Variants in OOSP1 observed in about 807,000 individuals in gnomAD.
The protein encoded by OOSP1 is oocyte secreted protein 1, also known as putative oocyte-secreted protein 1 homolog.
OOSP1 carries 11 observed loss-of-function variants against 5.7 expected under a neutral mutation model. That is an observed-to-expected ratio of 1.94 (90% CI 1.22 to 3.20). The LOEUF (loss-of-function observed/expected upper bound fraction) is 3.20, where lower values mean the gene tolerates loss of function less well. Ranked by LOEUF, OOSP1 falls within the 30% of genes most tolerant of loss-of-function variation. OOSP1 has a pLI of 0.00. For synonymous variants in OOSP1, 44 were observed against 20.0 expected (o/e 2.20, Z -3.20); for missense variants, 83 against 54.1 (o/e 1.53, Z -1.67).
Position 59,950,639 on chromosome 11 carries a change from G to A in OOSP1, c.486+2777G>A, listed in dbSNP as rs542718827. Among the ~76,000 whole-genome samples, 28 of 152,210 alleles carry A rather than the reference G, an allele frequency of 1.8e-4. No homozygotes were observed. The South Asian group carries it at 4.8e-3, about 26-fold the overall frequency. ...AAGTTAAGTGGGATGAGAACTAAGC[G>A]TTGTCCATTAGATCCAGCAATGTGA... On this transcript the variant is annotated intron_variant, in intron 4 of 4. Coordinates refer to ENST00000646685, the Ensembl canonical transcript of OOSP1.
At chr11:59,954,009 A>C (rs1853965970) in intron 4 of OOSP1, among the ~76,000 whole-genome samples, 1 of 152,196 alleles carries the variant, frequency 6.6e-6, no homozygotes, top group South Asian at 2.1e-4. Flanking sequence ...GGCATAGCCC[A>C]TTTTACACCT....
intron 4 of OOSP1, among the ~76,000 whole-genome samples, chr11:59,954,353 A>G (rs935624889): frequency 2.0e-5 from 3 of 151,772 alleles, no homozygotes; most frequent in African/African-American, 7.3e-5. Flanking sequence ...ACAAATAAGC[A>G]TGGCCACATG....
intron 4 of OOSP1, among the ~76,000 whole-genome samples, chr11:59,950,868 T>G (rs1853933189): frequency 6.6e-6 from 1 of 151,912 alleles, no homozygotes; most frequent in South Asian, 2.1e-4. Context: ...GTGTATAAGA[T>G]AAGTACCTGC....
At chr11:59,942,052 C>A (rs115407366) in intron 1 of OOSP1, among the ~76,000 whole-genome samples, 2 of 152,110 alleles carry the variant, frequency 1.3e-5, no homozygotes, top group Non-Finnish European at 2.9e-5. Context: ...TTGGTTTCTC[C>A]GCTGAGTTTT....
intron 1 of OOSP1, among the ~76,000 whole-genome samples, chr11:59,939,601 T>C (rs997157406): frequency 1.1e-4 from 17 of 151,058 alleles, no homozygotes; most frequent in Non-Finnish European, 2.5e-4. Flanking sequence ...TTCTTTTTTT[T>C]CTTCCCTTTC....
chr11:59,951,827 T>A (rs1377252782), intron 4 of OOSP1, among the ~76,000 whole-genome samples: 1 of 129,364 alleles, frequency 7.7e-6, no homozygotes, highest in Non-Finnish European at 1.6e-5. Flanking sequence ...TTGGACAAGT[T>A]TCCAAAATCA....
intron 4 of OOSP1, among the ~76,000 whole-genome samples, chr11:59,951,497 G>T (rs1340180723): frequency 1.3e-5 from 2 of 152,010 alleles, no homozygotes; most frequent in Non-Finnish European, 2.9e-5. Flanking sequence ...GGCAGCGGGT[G>T]GGCTTCATTT....
At chr11:59,941,448 C>T (rs1368399365) in intron 1 of OOSP1, among the ~76,000 whole-genome samples, 4 of 151,780 alleles carry the variant, frequency 2.6e-5, no homozygotes, top group Admixed American at 6.6e-5. Context: ...GGCACCATCT[C>T]GGCTCACTGC....
chr11:59,941,870 C>T (rs1234470733), intron 1 of OOSP1, among the ~76,000 whole-genome samples: 2 of 152,154 alleles, frequency 1.3e-5, no homozygotes, highest in African/African-American at 4.8e-5. Flanking sequence ...GCATCCTCAC[C>T]AGCGTTTGGT....
intron 4 of OOSP1, among the ~76,000 whole-genome samples, chr11:59,955,684 C>T (rs1160289258): frequency 6.6e-6 from 1 of 151,870 alleles, no homozygotes; most frequent in Non-Finnish European, 1.5e-5. Context: ...AGAGGCATGC[C>T]TATGGCTCAC....
intron 3 of OOSP1, among the ~76,000 whole-genome samples, chr11:59,945,998 G>A (rs1051536364): frequency 1.3e-5 from 2 of 152,068 alleles, no homozygotes; most frequent in Non-Finnish European, 1.5e-5. Context: ...CACATCTCCC[G>A]AGAACTGTAT....
At chr11:59,955,423 A>C (rs535097624) in intron 4 of OOSP1, among the ~76,000 whole-genome samples, 1 of 152,198 alleles carries the variant, frequency 6.6e-6, no homozygotes, top group Admixed American at 6.5e-5. Context: ...GGAAGATAGA[A>C]ATAGTAAGAT....
intron 2 of OOSP1, 89 bp from the exon 3 acceptor site, chr11:59,945,080 A>T: frequency 1.5e-6 from 1 of 671,374 alleles, no homozygotes; most frequent in Non-Finnish European, 2.7e-6. Context: ...AGAAAGCTTG[A>T]TGTATCTATA....
chr11:59,950,855 C>T (rs924196754), intron 4 of OOSP1, among the ~76,000 whole-genome samples: 11 of 151,548 alleles, frequency 7.3e-5, no homozygotes, highest in African/African-American at 2.2e-4. Context: ...GAGACAGAAA[C>T]TAGTGTATAA....
At chr11:59,954,595 A>G (rs1221894471) in intron 4 of OOSP1, among the ~76,000 whole-genome samples, 5 of 152,128 alleles carry the variant, frequency 3.3e-5, no homozygotes, top group Admixed American at 3.3e-4. Flanking sequence ...GTAGAAGTTC[A>G]GTCCATTTTC....
rs1853959842 is a variant in OOSP1, at chr11:59,953,383, A to G, written c.487-3812A>G. ...AAGATTTCTCTTAGATCTCATATAT[A>G]TATATATTTTTTCTCTCTAGGAAGA... On this transcript the variant is annotated intron_variant, in intron 4 of 4. Coordinates refer to ENST00000646685, the Ensembl canonical transcript of OOSP1. Among the ~76,000 whole-genome samples the G allele has an allele frequency of 5.3e-5, 8 of 151,938 alleles. 1 individual carries two copies. The South Asian group carries it at 1.7e-3, about 32-fold the overall frequency.
chr11:59,939,511 C>A (rs1263706882), intron 1 of OOSP1, among the ~76,000 whole-genome samples: 2 of 152,110 alleles, frequency 1.3e-5, no homozygotes, highest in Admixed American at 6.5e-5. Context: ...CTCGGTCTCC[C>A]AAAGTGCTGG....
chr11:59,956,670 A>G (rs1309439220), intron 4 of OOSP1, among the ~76,000 whole-genome samples: 1 of 152,060 alleles, frequency 6.6e-6, no homozygotes, highest in Non-Finnish European at 1.5e-5. Flanking sequence ...AGCAGTATAC[A>G]CTGCACTATA....
chr11:59,945,139 A>T (rs1267922386), intron 2 of OOSP1, 30 bp from the exon 3 acceptor site: 1 of 702,036 alleles, frequency 1.4e-6, no homozygotes, highest in Admixed American at 2.0e-5. Flanking sequence ...TGAGACAAAC[A>T]TGGGTTTAAA....
Sources: allele counts gnomAD v4.1 joint callset (sites outside exome capture counted in the v4.1 genomes callset), GRCh38; gene constraint gnomAD v4.1.1; transcripts MANE v1.5; gene names NCBI Gene and HGNC (gene_info 2026-07-23, HGNC 2026-07-21).